PCDHA3: variants seen among roughly 807,000 people sequenced by gnomAD.
The protein encoded by PCDHA3 is protocadherin alpha 3.
Under a neutral mutation model 62.2 loss-of-function variants are expected in PCDHA3, and 41 were observed. That is an observed-to-expected ratio of 0.66 (90% CI 0.51 to 0.86). The LOEUF (loss-of-function observed/expected upper bound fraction) is 0.86, where lower values mean the gene tolerates loss of function less well. Among genes scored for constraint, PCDHA3 ranks in the 40% least tolerant of loss-of-function variants. PCDHA3 has a pLI of 0.00. For missense variants in PCDHA3, 1,304 were observed against 1,241.2 expected (o/e 1.05, Z -0.76); for synonymous variants, 640 against 555.4 (o/e 1.15, Z -2.14).
At chr5:140,938,209 G>C (rs1210350140) in intron 1 of PCDHA3, among the ~76,000 whole-genome samples, 1 of 152,160 alleles carries the variant, frequency 6.6e-6, no homozygotes, top group Admixed American at 6.5e-5. Flanking sequence ...GCCTCCCAAA[G>C]TGCTGGGATT....
intron 1 of PCDHA3, chr5:140,822,056 T>A (rs2150113263): frequency 1.9e-6 from 3 of 1,614,216 alleles, no homozygotes; most frequent in African/African-American, 1.3e-5. Context: ...CGGGAGGAGC[T>A]GTGCCGGCGG....
At chr5:140,953,218 C>T (rs575250415) in intron 1 of PCDHA3, among the ~76,000 whole-genome samples, 2 of 152,272 alleles carry the variant, frequency 1.3e-5, no homozygotes, top group East Asian at 3.9e-4. Flanking sequence ...ATCTTTCTTG[C>T]TTCTGCTTGG....
intron 1 of PCDHA3, among the ~76,000 whole-genome samples, chr5:140,874,733 A>G (rs929245096): frequency 6.6e-6 from 1 of 152,244 alleles, no homozygotes; most frequent in Non-Finnish European, 1.5e-5. Context: ...TATCACATTC[A>G]AGCATCAAGG....
At chr5:140,807,824 A>G in intron 1 of PCDHA3, 1 of 1,614,212 alleles carries the variant, frequency 6.2e-7, no homozygotes, top group Non-Finnish European at 8.5e-7. Flanking sequence ...TTTAGTGCTC[A>G]CAGCCACTGA....
Position 140,849,786 on chromosome 5 carries a change from G to T in PCDHA3, c.2394+46195G>T, listed in dbSNP as rs2150450039. 3 of 1,598,374 alleles carry T rather than the reference G, an allele frequency of 1.9e-6. No individual in the cohort carries two copies. The African/African-American group carries it at 4.0e-5, about 21-fold the overall frequency. On this transcript the variant is annotated intron_variant, in intron 1 of 3. Coordinates refer to ENST00000522353, the MANE Select transcript of PCDHA3 (RefSeq NM_018906.3). ...GCTGGTGGTTACCGCGCGGGACGGG[G>T]GCTCGCCTTCACTGTGGGCCACGGC...
At position 140,857,233 on chromosome 5, in the gene PCDHA3, G is replaced by A. The variant is rs1308790390; in HGVS notation, c.2394+53642G>A. The A allele has an allele frequency of 4.4e-6, 7 of 1,598,456 alleles. 1 individual carries two copies. Among genetic ancestry groups the A allele is most frequent in the Non-Finnish European group, 6.0e-6 (7 of 1,167,974 alleles). On this transcript the variant is annotated intron_variant, in intron 1 of 3. Coordinates refer to ENST00000522353, the MANE Select transcript of PCDHA3 (RefSeq NM_018906.3). Reference sequence around the variant, plus strand: ...CTCTGACGCCTCACGTTCCGTTCAAGCTGGTGTCCACCTACAAGAATTACT... The same window carrying A: ...CTCTGACGCCTCACGTTCCGTTCAAACTGGTGTCCACCTACAAGAATTACT...
intron 1 of PCDHA3, among the ~76,000 whole-genome samples, chr5:140,905,079 T>C (rs2071581588): frequency 6.6e-6 from 1 of 152,168 alleles, no homozygotes; most frequent in Admixed American, 6.5e-5. Context: ...AGTTGCACTT[T>C]CTTTTGGGTT....
intron 1 of PCDHA3, chr5:140,805,057 C>T (rs782144476): frequency 4.4e-6 from 7 of 1,591,916 alleles, no homozygotes; most frequent in East Asian, 4.5e-5. Context: ...CTTGTCTTCC[C>T]AGATATGGAA....
Position 140,849,199 on chromosome 5 carries a change from A to G in PCDHA3, c.2394+45608A>G, listed in dbSNP as rs1581177103. 1 of 1,039,422 alleles carries G rather than the reference A, an allele frequency of 9.6e-7. No homozygotes were observed. The allele number at this position is 1,039,422 out of a possible 1,614,324, so 64.4% of individuals were successfully genotyped here. On this transcript the variant is annotated intron_variant, in intron 1 of 3. Transcript: ENST00000522353. Reference sequence around the variant, plus strand: ...CAATTACTCATCACGGTACTGGACAACAATGACAATGCCCCAGTGTTCGAC... The same window carrying G: ...CAATTACTCATCACGGTACTGGACAGCAATGACAATGCCCCAGTGTTCGAC...
In PCDHA3 at chr5:140,871,383, G is replaced by C. The variant is rs200820570; in HGVS notation, c.2394+67792G>C. 9.3e-6 allele frequency: 15 copies of C among 1,614,204 alleles called. No homozygotes were observed. The highest frequency in any genetic ancestry group is 6.7e-5 in the East Asian group (3 of 44,886). Reference sequence around the variant, plus strand: ...AGAGGCGGCAGAGGGTGTGCTCTGAGGAGGGCCCACCTAAGACGGACCTCA... The same window carrying C: ...AGAGGCGGCAGAGGGTGTGCTCTGACGAGGGCCCACCTAAGACGGACCTCA... On this transcript the variant is annotated intron_variant, in intron 1 of 3. Coordinates refer to ENST00000522353, the MANE Select transcript of PCDHA3 (RefSeq NM_018906.3).
intron 1 of PCDHA3, among the ~76,000 whole-genome samples, chr5:140,820,599 C>T (rs1446316781): frequency 6.6e-6 from 1 of 151,894 alleles, no homozygotes; most frequent in Non-Finnish European, 1.5e-5. Context: ...ACTAAATTTT[C>T]TAGGTCGTGT....
chr5:140,879,824 T>G (rs946010713), intron 1 of PCDHA3, among the ~76,000 whole-genome samples: 2 of 152,250 alleles, frequency 1.3e-5, no homozygotes, highest in Non-Finnish European at 2.9e-5. Context: ...TGGTGTTCCC[T>G]GGCTTGTGGC....
chr5:140,968,301 A>G (rs886575781), intron 1 of PCDHA3: 9 of 1,613,914 alleles, frequency 5.6e-6, no homozygotes, highest in Non-Finnish European at 7.6e-6. Flanking sequence ...CTGGAGAGGG[A>G]GATTCAAGGG....
At chr5:140,876,565 G>T (rs371696514) in intron 1 of PCDHA3, 1 of 1,614,182 alleles carries the variant, frequency 6.2e-7, no homozygotes, top group Non-Finnish European at 8.5e-7. Context: ...GGATGCTCAG[G>T]TGGGTACCGT....
intron 1 of PCDHA3, chr5:140,831,144 A>G (rs1281536206): frequency 6.6e-6 from 1 of 152,224 alleles, no homozygotes; most frequent in Non-Finnish European, 1.5e-5. Context: ...TGATTTATTT[A>G]CTACCGATCT....
At chr5:140,882,131 C>A (rs1236835670) in intron 1 of PCDHA3, 2 of 1,475,734 alleles carry the variant, frequency 1.4e-6, no homozygotes, top group South Asian at 1.4e-5. Context: ...TTTCTTCCTG[C>A]AGAAAATATA....
chr5:140,850,073 G>A, intron 1 of PCDHA3: 1 of 1,596,556 alleles, frequency 6.3e-7, no homozygotes, highest in Non-Finnish European at 8.6e-7. Context: ...TGGACCACGA[G>A]GAGCTGGAGC....
intron 1 of PCDHA3, among the ~76,000 whole-genome samples, chr5:140,838,259 G>T (rs975965491): frequency 6.8e-6 from 1 of 146,930 alleles, no homozygotes; most frequent in Admixed American, 6.9e-5. Flanking sequence ...GATTAAAGAC[G>T]CCAACAACCA....
Position 141,010,040 on chromosome 5 carries a change from C to G in PCDHA3, c.*103C>G. On this transcript the variant is annotated 3_prime_UTR_variant, in exon 4 of 4. Transcript: ENST00000522353. Reference sequence around the variant, plus strand: ...CCTTTTTCCTATCTACATGAGCCCTCTTAGAGACCTCAGAAATCTGCAGAA... The same window carrying G: ...CCTTTTTCCTATCTACATGAGCCCTGTTAGAGACCTCAGAAATCTGCAGAA... 5.6e-6 allele frequency: 9 copies of G among 1,593,642 alleles called. No individual in the cohort carries two copies. The highest frequency in any genetic ancestry group is 7.7e-6 in the Non-Finnish European group (9 of 1,170,750).
Sources: gnomAD v4.1 joint callset for allele counts (sites outside exome capture counted in the v4.1 genomes callset) on GRCh38, gnomAD v4.1.1 for gene constraint, MANE v1.5 for transcripts, NCBI Gene and HGNC (gene_info 2026-07-23, HGNC 2026-07-21) for gene names.